Variants in RAB22A observed in about 807,000 individuals in gnomAD.
The protein encoded by RAB22A is ras-related protein Rab-22A.
RAB22A carries 13 observed loss-of-function variants against 30.2 expected under a neutral mutation model. The observed-to-expected ratio is 0.43, with a 90% confidence interval of 0.28 to 0.68. RAB22A has a LOEUF of 0.68. Among genes scored for constraint, RAB22A ranks in the 30% least tolerant of loss-of-function variants. RAB22A has a pLI of 0.18. For synonymous variants in RAB22A, 89 were observed against 87.2 expected, an observed-to-expected ratio of 1.02 and a Z score of -0.11; for missense variants, 177 against 246.8, an observed-to-expected ratio of 0.72 and a Z score of 1.89.
In RAB22A at chr20:58,309,960, C is replaced by T. The variant is rs764314759; in HGVS notation, c.-17C>T. 1.4e-5 allele frequency: 18 copies of T among 1,264,022 alleles called. No homozygotes were observed. Among genetic ancestry groups the T allele is most frequent in the Middle Eastern group, 2.1e-4 (1 of 4,710 alleles). 78.3% of individuals were successfully genotyped at this position (1,264,022 alleles called of 1,614,324 possible). ...AACTTAGGGCGGCGGCGGGCCCGCG[C>T]CCCTGGCTCCCGGGCCATGGCGCTG... On this transcript the variant is annotated 5_prime_UTR_variant, in exon 1 of 7. Coordinates refer to ENST00000244040, the MANE Select transcript of RAB22A (RefSeq NM_020673.3).
intron 2 of RAB22A, among the ~76,000 whole-genome samples, chr20:58,324,913 C>T (rs560846477): frequency 7.5e-6 from 1 of 134,044 alleles, no homozygotes; most frequent in African/African-American, 2.9e-5. Context: ...CGGTGGCTCA[C>T]ACCTGTAATC....
chr20:58,348,091 G>A (rs562877307), intron 3 of RAB22A, among the ~76,000 whole-genome samples: 2 of 152,264 alleles, frequency 1.3e-5, no homozygotes, highest in South Asian at 4.2e-4. Context: ...GCCAGGCATG[G>A]TGGCGCACAC....
intron 2 of RAB22A, among the ~76,000 whole-genome samples, chr20:58,326,145 TG>T (rs922619429): frequency 4.0e-5 from 6 of 151,194 alleles, no homozygotes; most frequent in African/African-American, 1.2e-4. Context: ...TTTCCTGTTT[TG>T]TTTTTTTTTA....
intron 2 of RAB22A, among the ~76,000 whole-genome samples, chr20:58,319,408 TG>T (rs1415734396): frequency 6.6e-6 from 1 of 152,374 alleles, no homozygotes; most frequent in Admixed American, 6.5e-5. Flanking sequence ...TCTGTCCCAT[TG>T]GTCTATTCAT....
At chr20:58,312,472 C>CTTTTTTTTTTTTTTTTTTTT (rs58198236) in intron 2 of RAB22A, among the ~76,000 whole-genome samples, 1 of 38,710 alleles carries the variant, frequency 2.6e-5, no homozygotes, top group Non-Finnish European at 4.4e-5. Flanking sequence ...GGCTGGTTTT[C>CTTTTTTTTTTTTTTTTTTTT]TTTTTTTTTT....
chr20:58,348,758 G>T (rs1159403626), intron 3 of RAB22A, among the ~76,000 whole-genome samples: 1 of 151,634 alleles, frequency 6.6e-6, no homozygotes, highest in Non-Finnish European at 1.5e-5. Context: ...GTCTCAGGCT[G>T]CATATAAAAT....
chr20:58,337,337 G>A (rs1986774407), intron 2 of RAB22A, among the ~76,000 whole-genome samples: 1 of 152,030 alleles, frequency 6.6e-6, no homozygotes. Flanking sequence ...TCCATGTTCA[G>A]ATCACCTTCT....
rs564449870 is a variant in RAB22A, at chr20:58,320,870, A to G, written c.116+9748A>G. Among the ~76,000 whole-genome samples the G allele has an allele frequency of 2.2e-4, 34 of 152,336 alleles. No individual in the cohort carries two copies. In the East Asian group the frequency reaches 6.2e-3, roughly 28 times the overall value. ...CAGGAGTTCAAGACCAGCCTGGCCA[A>G]CATGGTGAAACCCTGTCTCTGCTAA... On this transcript the variant is annotated intron_variant, in intron 2 of 6. Coordinates refer to ENST00000244040, the MANE Select transcript of RAB22A (RefSeq NM_020673.3).
chr20:58,326,902 G>C (rs1986578935), intron 2 of RAB22A, among the ~76,000 whole-genome samples: 1 of 152,180 alleles, frequency 6.6e-6, no homozygotes, highest in Admixed American at 6.5e-5. Context: ...CCAATGTTAG[G>C]GGGAAAACAT....
intron 2 of RAB22A, among the ~76,000 whole-genome samples, chr20:58,312,636 C>T (rs760229974): frequency 6.6e-6 from 1 of 151,512 alleles, no homozygotes; most frequent in Non-Finnish European, 1.5e-5. Flanking sequence ...CTACAGGCAC[C>T]CACCACCATG....
chr20:58,340,158 G>A (rs143483690), intron 2 of RAB22A, among the ~76,000 whole-genome samples: 1 of 152,188 alleles, frequency 6.6e-6, no homozygotes, highest in African/African-American at 2.4e-5. Context: ...TGATTCAAAC[G>A]TGAATGAGCA....
intron 2 of RAB22A, among the ~76,000 whole-genome samples, chr20:58,329,606 G>A (rs543310983): frequency 5.3e-4 from 80 of 152,218 alleles, no homozygotes; most frequent in African/African-American, 1.7e-3. Flanking sequence ...GGTTCACTGC[G>A]TTTCTTAGAT....
chr20:58,309,880 T>TGCGGCGGCA lies in RAB22A; in HGVS notation c.-90_-82dup, dbSNP rs1986184859. The TGCGGCGGCA allele has an allele frequency of 1.7e-6, 2 of 1,166,468 alleles. No homozygotes were observed. Among genetic ancestry groups the TGCGGCGGCA allele is most frequent in the Admixed American group, 8.5e-5 (2 of 23,444 alleles). The allele number at this position is 1,166,468 out of a possible 1,614,324, so 72.3% of individuals were successfully genotyped here. On this transcript the variant is annotated 5_prime_UTR_variant, in exon 1 of 7. Transcript: ENST00000244040. ...CTCTGCGCGGACCGGGGCTGGGCCG[T>TGCGGCGGCA]GCGGCGGCAGCGGCGCCAGGGGATG...
intron 2 of RAB22A, among the ~76,000 whole-genome samples, chr20:58,342,416 T>C (rs1291707015): frequency 6.6e-6 from 1 of 152,210 alleles, no homozygotes; most frequent in Admixed American, 6.5e-5. Flanking sequence ...AGGAATTCAT[T>C]GTATCAGAGT....
intron 2 of RAB22A, among the ~76,000 whole-genome samples, chr20:58,341,825 A>G (rs921170207): frequency 6.6e-5 from 10 of 152,184 alleles, no homozygotes; most frequent in African/African-American, 2.4e-4. Context: ...CTTTTTGTCT[A>G]CTTGAAATAT....
At chr20:58,323,124 A>G (rs991822037) in intron 2 of RAB22A, among the ~76,000 whole-genome samples, 1 of 152,184 alleles carries the variant, frequency 6.6e-6, no homozygotes, top group Non-Finnish European at 1.5e-5. Flanking sequence ...TTTCATATAT[A>G]TTAGGATTCT....
chr20:58,347,145 C>T (rs557399575), intron 3 of RAB22A, among the ~76,000 whole-genome samples: 2 of 152,290 alleles, frequency 1.3e-5, no homozygotes, highest in Middle Eastern at 6.8e-3. Flanking sequence ...CCAAAATTGT[C>T]GTAAAATGAA....
At chr20:58,347,443 G>T (rs1379498209) in intron 3 of RAB22A, among the ~76,000 whole-genome samples, 1 of 152,192 alleles carries the variant, frequency 6.6e-6, no homozygotes, top group African/African-American at 2.4e-5. Flanking sequence ...AAAGGGTTAA[G>T]AGGGGCCTAG....
intron 2 of RAB22A, 73 bp from the exon 3 acceptor site, chr20:58,343,645 G>A: frequency 8.5e-7 from 1 of 1,181,122 alleles, no homozygotes; most frequent in Non-Finnish European, 1.3e-6. Context: ...TTGAGTCTAA[G>A]TGATGTTTCC....
Sources: gnomAD v4.1 joint callset for allele counts (sites outside exome capture counted in the v4.1 genomes callset) on GRCh38, gnomAD v4.1.1 for gene constraint, MANE v1.5 for transcripts, NCBI Gene and HGNC (gene_info 2026-07-23, HGNC 2026-07-21) for gene names.